Variants in CDH3 observed in about 807,000 individuals in gnomAD.
The protein encoded by CDH3 is cadherin 3.
CDH3 carries 54 observed loss-of-function variants against 82.0 expected under a neutral mutation model. The observed-to-expected ratio is 0.66, with a 90% CI of 0.53 to 0.83. The LOEUF is 0.83. Ranked by LOEUF, CDH3 falls within the 40% of genes least tolerant of loss-of-function variation. The probability of loss-of-function intolerance (pLI) is 0.00; values close to 1 mark genes in which losing one functional copy is unlikely to be tolerated. For missense variants in CDH3, 1,054 were observed against 1,084.6 expected (o/e 0.97, Z 0.40); for synonymous variants, 446 against 437.9 (o/e 1.02, Z -0.23).
chr16:68,666,931 G>A (rs1421870700), intron 2 of CDH3, among the ~76,000 whole-genome samples: 1 of 151,848 alleles, frequency 6.6e-6, no homozygotes, highest in Admixed American at 6.6e-5. Flanking sequence ...AGCAAGTCAC[G>A]AACATCCTGG....
Position 68,645,340 on chromosome 16 carries a change from C to A in CDH3, c.-40C>A. ...GGCAAGAGCTGAGCGGAACACCGGC[C>A]CGCCGTCGCGGCAGCTGCTTCACCC... On this transcript the variant is annotated 5_prime_UTR_variant, in exon 1 of 16. Transcript: ENST00000264012. The A allele has an allele frequency of 6.2e-7, 1 of 1,607,274 alleles. No individual in the cohort carries two copies. Among genetic ancestry groups the A allele is most frequent in the Non-Finnish European group, 8.5e-7 (1 of 1,175,750 alleles).
downstream of CDH3, among the ~76,000 whole-genome samples, chr16:68,703,042 A>ATGGCCCCTCCAGTGAGGCCC (rs1961916215): frequency 1.3e-5 from 2 of 151,980 alleles, no homozygotes; most frequent in Non-Finnish European, 2.9e-5. Context: ...AAAAGATGGC[A>ATGGCCCCTCCAGTGAGGCCC]CTCCCTATGG....
intron 1 of CDH3, among the ~76,000 whole-genome samples, chr16:68,713,011 C>A (rs1317284715): frequency 3.9e-5 from 6 of 152,048 alleles, no homozygotes; most frequent in African/African-American, 1.2e-4. Context: ...AGCCCCCTCG[C>A]AGCCAGTGCA....
intron 1 of CDH3, among the ~76,000 whole-genome samples, chr16:68,713,965 G>A (rs1354723055): frequency 2.7e-5 from 4 of 150,514 alleles, no homozygotes; most frequent in Non-Finnish European, 2.9e-5. Flanking sequence ...ACAGAGTTTC[G>A]CTCTGTCACC....
chr16:68,677,504 G>A (rs1312682054), intron 3 of CDH3, among the ~76,000 whole-genome samples: 3 of 152,178 alleles, frequency 2.0e-5, no homozygotes, highest in South Asian at 2.1e-4. Flanking sequence ...TTGGGAGGCC[G>A]AGGCGGGTGG....
chr16:68,690,965 T>C (rs1475639570), intron 12 of CDH3, among the ~76,000 whole-genome samples: 1 of 152,028 alleles, frequency 6.6e-6, no homozygotes, highest in Admixed American at 6.6e-5. Context: ...GGGCTAGCTA[T>C]CAGCTGCTCT....
chr16:68,649,005 C>T (rs1218842419), intron 2 of CDH3, among the ~76,000 whole-genome samples: 5 of 151,986 alleles, frequency 3.3e-5, no homozygotes, highest in Non-Finnish European at 4.4e-5. Context: ...GAAGGAAAGC[C>T]GGCACATTCC....
In CDH3 at chr16:68,687,723, G is replaced by C; in HGVS notation, c.1782G>C (p.Glu594Asp). 1.2e-6 allele frequency: 2 copies of C among 1,613,716 alleles called. No individual in the cohort carries two copies. Among genetic ancestry groups the C allele is most frequent in the Non-Finnish European group, 1.7e-6 (2 of 1,179,736 alleles). ...TDDSDIYWTA[E>D]VNEEGDTVVL... ...ACTCAGACATCTACTGGACGGCAGA[G>C]GTCAACGAGGAAGGTACCTGAGTGA... The change falls in exon 12 of 16, where the codon GAG (glutamate) becomes GAC (aspartate). Residue 594 changes from glutamate (E) to aspartate (D), a missense_variant. Transcript: ENST00000264012.
At chr16:68,665,467 G>GT (rs1567442315) in intron 2 of CDH3, among the ~76,000 whole-genome samples, 4 of 151,314 alleles carry the variant, frequency 2.6e-5, no homozygotes, top group African/African-American at 9.7e-5. Context: ...AGCACCTGGG[G>GT]GTGTGTGTGT....
At chr16:68,684,164 C>T (rs868750056) in intron 9 of CDH3, among the ~76,000 whole-genome samples, 8 of 151,532 alleles carry the variant, frequency 5.3e-5, no homozygotes, top group South Asian at 2.1e-4. Flanking sequence ...CCAAGAAGGT[C>T]GAGGCTGCAG....
In CDH3 at chr16:68,679,670, G is replaced by C. The variant is rs112844902; in HGVS notation, c.692-129G>C. On this transcript the variant is annotated intron_variant, in intron 6 of 15. Transcript: ENST00000264012. ...AGATCACACCATTGCACTCCAGCCTGGGTGATAGAGTGAGACTTCATCTCA... is the reference window on the plus strand; with the variant it reads ...AGATCACACCATTGCACTCCAGCCTCGGTGATAGAGTGAGACTTCATCTCA... 0.024 allele frequency: 15,227 copies of C among 645,792 alleles called. 736 individuals are homozygous for C. The highest frequency in any genetic ancestry group is 0.16 in the African/African-American group (7,884 of 49,282). 40.0% of individuals were successfully genotyped at this position (645,792 alleles called of 1,614,324 possible).
chr16:68,674,404 A>T (rs1960974584), intron 2 of CDH3, among the ~76,000 whole-genome samples: 1 of 151,996 alleles, frequency 6.6e-6, no homozygotes. Context: ...AGTTTTATGA[A>T]TTCTTTACAT....
chr16:68,645,444 TGGC>T lies in CDH3; in HGVS notation c.45+21_45+23del. On this transcript the variant is annotated intron_variant, in intron 1 of 15. Coordinates refer to ENST00000264012, the MANE Select transcript of CDH3 (RefSeq NM_001793.6). ...CTCCAGGTACTCCACAGCCTCGCCG[TGGC>T]CCCGACCGGGACCGCTCCCTGGGGG... 1 of 1,612,642 alleles carries T rather than the reference TGGC, an allele frequency of 6.2e-7. No homozygotes were observed. The highest frequency in any genetic ancestry group is 8.5e-7 in the Non-Finnish European group (1 of 1,179,472).
intron 2 of CDH3, chr16:68,651,865 C>G: frequency 4.3e-6 from 2 of 460,682 alleles, no homozygotes; most frequent in Non-Finnish European, 8.7e-6. Context: ...AGCTCTGCCT[C>G]CTTCTGGGGG....
intron 1 of CDH3, among the ~76,000 whole-genome samples, chr16:68,716,193 G>A (rs1962092817): frequency 6.6e-6 from 1 of 151,472 alleles, no homozygotes; most frequent in African/African-American, 2.4e-5. Flanking sequence ...ACTTGAACCC[G>A]GGAGGCGGAG....
downstream of CDH3, among the ~76,000 whole-genome samples, chr16:68,701,046 C>T (rs1156612454): frequency 6.6e-6 from 1 of 152,172 alleles, no homozygotes; most frequent in Non-Finnish European, 1.5e-5. Context: ...TGCCCGTTAT[C>T]TTCAACTCCC....
chr16:68,663,225 CT>C (rs71382053), intron 2 of CDH3, among the ~76,000 whole-genome samples: 1,897 of 130,522 alleles, frequency 0.015, 36 homozygotes, highest in African/African-American at 0.048. Context: ...AGGAAAGTGA[CT>C]TTTTTTTTTT....
At chr16:68,650,967 G>A (rs9928034) in intron 2 of CDH3, 208,778 of 209,894 alleles carry the variant, frequency 0.99, 103,833 homozygotes, top group Middle Eastern at 1. Context: ...AGAGGAAAAC[G>A]TAGAAAAACA....
intron 2 of CDH3, among the ~76,000 whole-genome samples, chr16:68,654,017 A>G (rs1038470588): frequency 4.0e-5 from 6 of 148,720 alleles, no homozygotes; most frequent in Non-Finnish European, 7.4e-5. Flanking sequence ...GCTCCCGGCC[A>G]AATGTCTTGA....
Sources: gnomAD v4.1 joint callset for allele counts (sites outside exome capture counted in the v4.1 genomes callset) on GRCh38, gnomAD v4.1.1 for gene constraint, MANE v1.5 for transcripts, NCBI Gene and HGNC (gene_info 2026-07-23, HGNC 2026-07-21) for gene names.